SLC7A6: variants seen among roughly 807,000 people sequenced by gnomAD.
SLC7A6 encodes solute carrier family 7 member 6.
SLC7A6 carries 29 observed loss-of-function variants against 46.6 expected under a neutral mutation model. The ratio of observed to expected loss-of-function variants is 0.62; its 90% CI spans 0.46 to 0.85. SLC7A6 has a LOEUF of 0.85. Among genes scored for constraint, SLC7A6 ranks in the 40% least tolerant of loss-of-function variants. SLC7A6 has a pLI of 0.00. For missense variants in SLC7A6, 527 were observed against 647.6 expected, an observed-to-expected ratio of 0.81 and a Z score of 2.02; for synonymous variants, 276 against 257.3, an observed-to-expected ratio of 1.07 and a Z score of -0.70.
Position 68,277,154 on chromosome 16 carries a change from T to C in SLC7A6, c.523+1905T>C, listed in dbSNP as rs187203192. Among the ~76,000 whole-genome samples the C allele has an allele frequency of 2.2e-4, 34 of 151,708 alleles. No individual in the cohort carries two copies. In the East Asian group the frequency reaches 6.0e-3, roughly 27 times the overall value. ...CAGGCTGGAGTACAATGGCATGATC[T>C]CAGCTCACTGCAACCTCTGCCTCCT... On this transcript the variant is annotated intron_variant, in intron 3 of 10. Coordinates refer to ENST00000219343, the MANE Select transcript of SLC7A6 (RefSeq NM_003983.6).
intron 3 of SLC7A6, among the ~76,000 whole-genome samples, chr16:68,280,152 G>A (rs1217957508): frequency 2.0e-5 from 3 of 152,206 alleles, no homozygotes; most frequent in Non-Finnish European, 4.4e-5. Flanking sequence ...TAAATTGCAC[G>A]AAACCAATTA....
chr16:68,275,829 A>C (rs1596976725), intron 3 of SLC7A6, among the ~76,000 whole-genome samples: 2 of 152,110 alleles, frequency 1.3e-5, no homozygotes, highest in Middle Eastern at 6.8e-3. Flanking sequence ...TCTGTGTGAC[A>C]GGTTGGGGCA....
Position 68,287,328 on chromosome 16 carries a change from C to T in SLC7A6, c.524-418C>T, listed in dbSNP as rs947030034. 8 of 1,289,334 alleles carry T rather than the reference C, an allele frequency of 6.2e-6. No individual in the cohort carries two copies. In the East Asian group the frequency reaches 2.8e-4, roughly 45 times the overall value. 79.9% of individuals were successfully genotyped at this position (1,289,334 alleles called of 1,614,324 possible). On this transcript the variant is annotated intron_variant, in intron 3 of 10. Coordinates refer to ENST00000219343, the MANE Select transcript of SLC7A6 (RefSeq NM_003983.6). ...CTGTCTCTCTAATTTCTTAGGTAACCTGCCATCTGCATTCAAATTTACCTC... is the reference window on the plus strand; with the variant it reads ...CTGTCTCTCTAATTTCTTAGGTAACTTGCCATCTGCATTCAAATTTACCTC...
chr16:68,287,248 G>A (rs2151225598), intron 3 of SLC7A6: 1 of 1,128,546 alleles, frequency 8.9e-7, no homozygotes, highest in Non-Finnish European at 1.2e-6. Flanking sequence ...AAAGTGCTGG[G>A]ATTACAGGTG....
chr16:68,300,917 T>A lies in SLC7A6; in HGVS notation c.*3589T>A, dbSNP rs2043259528. 1 of 999,722 alleles carries A rather than the reference T, an allele frequency of 1.0e-6. No homozygotes were observed. 61.9% of individuals were successfully genotyped at this position (999,722 alleles called of 1,614,324 possible). On this transcript the variant is annotated 3_prime_UTR_variant, in exon 11 of 11. Transcript: ENST00000219343. ...GTATGGCACAGCAGAAGCTTACTGC[T>A]AATGAAATGGGAACCTCCCCCTCCC...
At chr16:68,271,193 A>T (rs1183421634) in intron 2 of SLC7A6, among the ~76,000 whole-genome samples, 3 of 150,364 alleles carry the variant, frequency 2.0e-5, no homozygotes, top group Non-Finnish European at 4.4e-5. Context: ...GAACCTCCCT[A>T]TGTTGCCCAG....
chr16:68,285,263 G>T (rs921145970), intron 3 of SLC7A6, among the ~76,000 whole-genome samples: 1 of 152,116 alleles, frequency 6.6e-6, no homozygotes, highest in Non-Finnish European at 1.5e-5. Context: ...GCTCAACTTG[G>T]GTCCAGTGTC....
intron 3 of SLC7A6, among the ~76,000 whole-genome samples, chr16:68,287,097 C>T (rs1188517021): frequency 1.3e-5 from 2 of 151,722 alleles, no homozygotes; most frequent in Non-Finnish European, 2.9e-5. Context: ...CCCTCCTCAG[C>T]CTCCTGAGTA....
Position 68,277,094 on chromosome 16 carries a change from C to CT in SLC7A6, c.523+1855dup, listed in dbSNP as rs567963917. Among the ~76,000 whole-genome samples, 127 of 148,106 alleles carry CT rather than the reference C, an allele frequency of 8.6e-4. 1 individual carries two copies. The South Asian group carries it at 0.024, about 28-fold the overall frequency. ...AAAATCTACCACCAAAAGAAGAGTA[C>CT]TTTTTTTTTTGAGATAGAGTCTTGC... is the stretch of plus-strand genomic sequence containing the variant. On this transcript the variant is annotated intron_variant, in intron 3 of 10. Transcript: ENST00000219343.
chr16:68,272,481 T>A (rs1021392194), intron 2 of SLC7A6, among the ~76,000 whole-genome samples: 1 of 152,120 alleles, frequency 6.6e-6, no homozygotes, highest in Non-Finnish European at 1.5e-5. Context: ...TTATCTGCCT[T>A]CAGTTTTGTG....
intron 2 of SLC7A6, among the ~76,000 whole-genome samples, chr16:68,271,614 T>C (rs1046398702): frequency 6.6e-6 from 1 of 151,846 alleles, no homozygotes; most frequent in Non-Finnish European, 1.5e-5. Flanking sequence ...CAAGGTGAAG[T>C]TTAGATATGG....
At chr16:68,282,866 C>T (rs2042854601) in intron 3 of SLC7A6, among the ~76,000 whole-genome samples, 1 of 152,228 alleles carries the variant, frequency 6.6e-6, no homozygotes, top group South Asian at 2.1e-4. Context: ...GATTTGCCCG[C>T]CTCGGCCTCC....
rs1468079641 is a variant in SLC7A6 at position 68,294,736 on chromosome 16, C to T, written c.1054C>T (p.Leu352=). The part of the protein sequence containing the change: ...LFFVGSREGH[L]PDLLSMIHIE... ...CTTCGTGGGCTCCCGGGAGGGCCAC[C>T]TACCGGACCTTCTGTCCATGATCCA... Residue 352 remains leucine (L), a synonymous_variant, in exon 8 of 11, where the codon CTA becomes TTA. Coordinates refer to ENST00000219343, the MANE Select transcript of SLC7A6 (RefSeq NM_003983.6). The T allele has an allele frequency of 6.2e-7, 1 of 1,614,016 alleles. No homozygotes were observed. Among genetic ancestry groups the T allele is most frequent in the East Asian group, 2.2e-5 (1 of 44,882 alleles).
chr16:68,274,612 G>A, intron 2 of SLC7A6, 79 bp from the exon 3 acceptor site: 10 of 1,231,316 alleles, frequency 8.1e-6, no homozygotes, highest in Non-Finnish European at 9.1e-6. Flanking sequence ...CCCTAAATAG[G>A]AAGTGGGCAG....
intron 2 of SLC7A6, among the ~76,000 whole-genome samples, chr16:68,269,542 C>T (rs925986607): frequency 5.3e-5 from 8 of 151,966 alleles, no homozygotes; most frequent in African/African-American, 1.9e-4. Context: ...TGCCAGCTTA[C>T]GGTTGGTTTG....
rs1597018969 is a variant in SLC7A6 at position 68,301,328 on chromosome 16, C to T, written c.*4000C>T. 6 of 1,614,072 alleles carry T rather than the reference C, an allele frequency of 3.7e-6. No homozygotes were observed. Among genetic ancestry groups the T allele is most frequent in the Non-Finnish European group, 5.1e-6 (6 of 1,180,030 alleles). The stretch of plus-strand genomic sequence containing the variant: ...TCATAGCCGAACTCCTTCTGCACAT[C>T]CAGAGGGTACTTGCTCCACATCCGC... On this transcript the variant is annotated 3_prime_UTR_variant, in exon 11 of 11. Transcript: ENST00000219343.
chr16:68,291,443 G>A, intron 6 of SLC7A6, 111 bp downstream of exon 6: 2 of 1,581,102 alleles, frequency 1.3e-6, no homozygotes, highest in African/African-American at 2.7e-5. Flanking sequence ...GAGGTCATGA[G>A]TCTAGGCCAG....
At chr16:68,275,535 TGGG>T (rs1286237957) in intron 3 of SLC7A6, among the ~76,000 whole-genome samples, 2 of 134,476 alleles carry the variant, frequency 1.5e-5, no homozygotes, top group Admixed American at 1.7e-4. Context: ...GCGGAGGTTG[TGGG>T]GAGCGGAGAT....
intron 5 of SLC7A6, 61 bp downstream of exon 5, chr16:68,290,601 G>T: frequency 6.3e-7 from 1 of 1,590,932 alleles, no homozygotes; most frequent in Non-Finnish European, 8.6e-7. Context: ...GATAGTGGGC[G>T]TGCCTGCCCT....
Sources: gnomAD v4.1 joint callset for allele counts (sites outside exome capture counted in the v4.1 genomes callset) on GRCh38, gnomAD v4.1.1 for gene constraint, MANE v1.5 for transcripts, NCBI Gene and HGNC (gene_info 2026-07-23, HGNC 2026-07-21) for gene names.